MINK1: variants seen among roughly 807,000 people sequenced by gnomAD.
MINK1 encodes misshapen like kinase 1.
A neutral mutation model predicts 178.4 loss-of-function variants in MINK1; 46 were observed. The observed-to-expected ratio is 0.26, with a 90% CI of 0.20 to 0.33. MINK1 has a LOEUF of 0.33. MINK1 is among the 10% of genes least tolerant of loss of function. The pLI is 1.00. For missense variants in MINK1, 1,366 were observed against 1,814.9 expected (o/e 0.75, Z 4.49); for synonymous variants, 797 against 709.7 (o/e 1.12, Z -1.96).
chr17:4,884,136 G>A (rs1967982120), intron 4 of MINK1, among the ~76,000 whole-genome samples: 2 of 151,824 alleles, frequency 1.3e-5, no homozygotes, highest in Admixed American at 1.3e-4. Context: ...CAAAGTGCTG[G>A]GATTACAGGC....
chr17:4,880,925 G>A, intron 2 of MINK1, 59 bp from the exon 3 acceptor site: 1 of 1,427,228 alleles, frequency 7.0e-7, no homozygotes, highest in Admixed American at 2.8e-5. Flanking sequence ...GTCTCCTAGA[G>A]TCAAGCCCTC....
At chr17:4,859,118 A>T in intron 1 of MINK1, 1 of 985,338 alleles carries the variant, frequency 1.0e-6, no homozygotes, top group South Asian at 4.7e-5. Flanking sequence ...GTGAATAATC[A>T]TTGCTGGGCT....
At position 4,891,117 on chromosome 17, in the gene MINK1, C is replaced by G; in HGVS notation, c.1733C>G (p.Pro578Arg). Residue 578 changes from proline to arginine, a missense_variant, in exon 15 of 32, where the codon CCG (proline) becomes CGG (arginine). Physicochemically the swap from Pro to Arg is moderately radical, Grantham distance 103 (BLOSUM62 -2). This residue lies in a region of MINK1 where 709 missense variants were observed against 692.3 expected (regional missense o/e 1.02). Coordinates refer to ENST00000355280, the MANE Select transcript of MINK1 (RefSeq NM_153827.5). ...MQRPVEPQEG[P>R]HKSLVAHRVP... ...AGGCCGGTGGAGCCCCAGGAGGGACCGCACAAGGTGAGTCTCTCCCCACCC... is the reference window on the plus strand; with the variant it reads ...AGGCCGGTGGAGCCCCAGGAGGGACGGCACAAGGTGAGTCTCTCCCCACCC... 1 of 1,530,140 alleles carries G rather than the reference C, an allele frequency of 6.5e-7. No homozygotes were observed. Among genetic ancestry groups the G allele is most frequent in the African/African-American group, 1.4e-5 (1 of 72,244 alleles). The allele number at this position is 1,530,140 out of a possible 1,614,324, so 94.8% of individuals were successfully genotyped here.
intron 1 of MINK1, among the ~76,000 whole-genome samples, chr17:4,861,159 G>A (rs1914107321): frequency 1.3e-5 from 2 of 152,194 alleles, no homozygotes; most frequent in Admixed American, 1.3e-4. Context: ...AGGGGAACAG[G>A]AGCAAACCAC....
chr17:4,894,423 C>A lies in MINK1; in HGVS notation c.2809-102C>A. 1 of 1,522,588 alleles carries A rather than the reference C, an allele frequency of 6.6e-7. No homozygotes were observed. Among genetic ancestry groups the A allele is most frequent in the Non-Finnish European group, 8.9e-7 (1 of 1,123,062 alleles). The allele number at this position is 1,522,588 out of a possible 1,614,324, so 94.3% of individuals were successfully genotyped here. On this transcript the variant is annotated intron_variant, in intron 23 of 31. Transcript: ENST00000355280. This position sits in a 1 kb window ranked among gnomAD's most constrained non-coding sequence, Gnocchi z 4.1. ...GGGCGGAGCGCTGGGAGCTGGACAG[C>A]GGGGGTGCCAGTTGGGGAGCTGGAG...
At chr17:4,855,484 T>TC (rs1240096164) in intron 1 of MINK1, among the ~76,000 whole-genome samples, 5 of 8,614 alleles carry the variant, frequency 5.8e-4, no homozygotes, top group Non-Finnish European at 1.3e-3. Context: ...AGACTCCATC[T>TC]CAAAAAAAAA....
At chr17:4,874,953 C>G in intron 1 of MINK1, 4 of 456,538 alleles carry the variant, frequency 8.8e-6, no homozygotes, top group South Asian at 6.3e-5. Flanking sequence ...TTGATGGTGA[C>G]AGATCATTAT....
In MINK1 at chr17:4,895,931, T is replaced by TGACA; in HGVS notation, c.3365-68_3365-65dup. 1 of 1,571,992 alleles carries TGACA rather than the reference T, an allele frequency of 6.4e-7. No homozygotes were observed. Among genetic ancestry groups the TGACA allele is most frequent in the Non-Finnish European group, 8.6e-7 (1 of 1,158,596 alleles). On this transcript the variant is annotated intron_variant, in intron 27 of 31. Transcript: ENST00000355280. The surrounding 1 kb of genome is among the most constrained non-coding windows in gnomAD (Gnocchi z 4.3). ...TTGGGGCCTGGGTGGGGCAGTGTAG[T>TGACA]GACAGACCACGGGGAGGCGCCCGTG...
At chr17:4,881,431 G>A (rs2270159) in intron 4 of MINK1, among the ~76,000 whole-genome samples, 174 bp downstream of exon 4, 19,197 of 152,090 alleles carry the variant, frequency 0.13, 1,520 homozygotes, top group Admixed American at 0.17. Context: ...GGATGGCCCC[G>A]CACTCCAGCC....
At chr17:4,878,239 A>G in intron 1 of MINK1, 78 bp from the exon 2 acceptor site, 1 of 1,327,342 alleles carries the variant, frequency 7.5e-7, no homozygotes, top group East Asian at 2.6e-5. Flanking sequence ...TCTTGACTGG[A>G]TACCACTTTA....
At chr17:4,844,405 G>A (rs1411941313) in intron 1 of MINK1, among the ~76,000 whole-genome samples, 1 of 152,154 alleles carries the variant, frequency 6.6e-6, no homozygotes, top group Non-Finnish European at 1.5e-5. Context: ...TCTTGGTAAA[G>A]TTTTTGGAGA....
At chr17:4,869,264 ATTTATTTATTTATTTAT>A (rs1329218960) in intron 1 of MINK1, among the ~76,000 whole-genome samples, 2 of 24,900 alleles carry the variant, frequency 8.0e-5, no homozygotes, top group Non-Finnish European at 4.5e-4. Context: ...TTATTTATTT[ATTTATTTATTTATTTAT>A]TTATTTATTT....
chr17:4,897,993 A>AC lies in MINK1; in HGVS notation c.*710dup, dbSNP rs1467199360. The AC allele has an allele frequency of 1.4e-5, 2 of 141,322 alleles. 1 individual carries two copies. The highest frequency in any genetic ancestry group is 1.4e-4 in the Admixed American group (2 of 14,460). 8.8% of individuals were successfully genotyped at this position (141,322 alleles called of 1,614,324 possible). On this transcript the variant is annotated 3_prime_UTR_variant, in exon 32 of 32. Coordinates refer to ENST00000355280, the MANE Select transcript of MINK1 (RefSeq NM_153827.5). ...AAGTAACCCTTCTCCCTCCCCCCCC[A>AC]CCCCTCCTCAATGTAGTGGCCTTGG...
intron 1 of MINK1, among the ~76,000 whole-genome samples, chr17:4,875,801 T>C (rs553392758): frequency 2.0e-5 from 3 of 151,908 alleles, no homozygotes; most frequent in South Asian, 2.1e-4. Flanking sequence ...GTTAGGTTTT[T>C]TTTCCCCCCG....
At chr17:4,866,238 CAGAT>C (rs776685024) in intron 1 of MINK1, among the ~76,000 whole-genome samples, 1 of 152,102 alleles carries the variant, frequency 6.6e-6, no homozygotes, top group Non-Finnish European at 1.5e-5. Flanking sequence ...GAGGCCAAGA[CAGAT>C]GGATCACGAG....
In MINK1 at chr17:4,885,012, C is replaced by T; in HGVS notation, c.508+10C>T. 1.2e-6 allele frequency: 2 copies of T among 1,613,644 alleles called. No individual in the cohort carries two copies. The highest frequency in any genetic ancestry group is 2.2e-5 in the South Asian group (2 of 91,012). ...GCTGAGGTCAAGCTAGGTGCGCCGG[C>T]TCCTTCTGAGGCTGACGAGGACCTT... On this transcript the variant is annotated intron_variant, in intron 6 of 31. Coordinates refer to ENST00000355280, the MANE Select transcript of MINK1 (RefSeq NM_153827.5). The surrounding 1 kb of genome is among the most constrained non-coding windows in gnomAD (Gnocchi z 5.0).
chr17:4,893,987 G>A lies in MINK1; in HGVS notation c.2565-1G>A. 6.4e-7 allele frequency: 1 copy of A among 1,570,500 alleles called. No homozygotes were observed. Among genetic ancestry groups the A allele is most frequent in the Non-Finnish European group, 8.6e-7 (1 of 1,159,114 alleles). On this transcript the variant is annotated splice_acceptor_variant, in intron 21 of 31. Transcript: ENST00000355280. LOFTEE classifies it high-confidence loss of function. ...AGGGGCCCCACCTTCCTCTCTCACA[G>A]CAGCGATGGGGATACAGACAGCGTC... is the stretch of plus-strand genomic sequence containing the variant.
At chr17:4,869,242 ATTATTATTTATTTAT>A (rs1168089385) in intron 1 of MINK1, among the ~76,000 whole-genome samples, 2,109 of 144,760 alleles carry the variant, frequency 0.015, 25 homozygotes, top group Non-Finnish European at 0.019. Flanking sequence ...TAATTTTTAA[ATTATTATTTATTTAT>A]TTATTTATTT....
In MINK1 at chr17:4,885,013, TC is replaced by T; in HGVS notation, c.508+13del. On this transcript the variant is annotated intron_variant, in intron 6 of 31. Coordinates refer to ENST00000355280, the MANE Select transcript of MINK1 (RefSeq NM_153827.5). This position sits in a 1 kb window ranked among gnomAD's most constrained non-coding sequence, Gnocchi z 5.0. ...CTGAGGTCAAGCTAGGTGCGCCGGC[TC>T]CTTCTGAGGCTGACGAGGACCTTTC... is the stretch of plus-strand genomic sequence containing the variant. 1 of 1,613,494 alleles carries T rather than the reference TC, an allele frequency of 6.2e-7. No individual in the cohort carries two copies. Among genetic ancestry groups the T allele is most frequent in the Non-Finnish European group, 8.5e-7 (1 of 1,179,598 alleles).
Sources: gnomAD v4.1 joint callset for allele counts (sites outside exome capture counted in the v4.1 genomes callset) on GRCh38, gnomAD v4.1.1 for gene constraint, gnomAD v4.1.1 regional missense constraint, Gnocchi (gnomAD v3.1) non-coding constraint, MANE v1.5 for transcripts, NCBI Gene and HGNC (gene_info 2026-07-23, HGNC 2026-07-21) for gene names.